Variants in CEP89 observed in about 807,000 individuals in gnomAD.
CEP89 encodes centrosomal protein 89.
CEP89 carries 95 observed loss-of-function variants against 97.6 expected under a neutral mutation model. The observed-to-expected ratio is 0.97, with a 90% CI of 0.82 to 1.15. The LOEUF is 1.15. Among genes scored for constraint, CEP89 ranks in the 50% most tolerant of loss-of-function variants. The pLI, the probability that CEP89 is intolerant of heterozygous loss-of-function variation, is 0.00. For synonymous variants in CEP89, 354 were observed against 349.1 expected, an observed-to-expected ratio of 1.01 and a Z score of -0.16; for missense variants, 869 against 947.7, an observed-to-expected ratio of 0.92 and a Z score of 1.09.
intron 16 of CEP89, among the ~76,000 whole-genome samples, chr19:32,893,968 A>G (rs1181294695): frequency 6.6e-6 from 1 of 152,234 alleles, no homozygotes; most frequent in African/African-American, 2.4e-5. Flanking sequence ...CTAATGATGT[A>G]CCTCAAGGAA....
intron 14 of CEP89, among the ~76,000 whole-genome samples, chr19:32,902,010 C>CTCTCTGTGTGTGTGTGTGTGTG (rs1207481256): frequency 7.5e-6 from 1 of 133,730 alleles, no homozygotes; most frequent in African/African-American, 2.9e-5. Flanking sequence ...CTCTCTCTCT[C>CTCTCTGTGTGTGTGTGTGTGTG]TGTGTGTGTG....
intron 6 of CEP89, among the ~76,000 whole-genome samples, chr19:32,939,001 C>A (rs1970632866): frequency 1.3e-5 from 2 of 151,954 alleles, no homozygotes; most frequent in Admixed American, 6.6e-5. Context: ...ATCCCAATGC[C>A]CTTGGGAGGC....
intron 1 of CEP89, among the ~76,000 whole-genome samples, chr19:32,968,394 A>C (rs894375298): frequency 6.6e-6 from 1 of 152,152 alleles, no homozygotes; most frequent in Non-Finnish European, 1.5e-5. Context: ...GACCACAGTC[A>C]TGTGCCAACA....
At chr19:32,926,648 A>G (rs1251984869) in intron 10 of CEP89, among the ~76,000 whole-genome samples, 2 of 151,862 alleles carry the variant, frequency 1.3e-5, no homozygotes, top group Non-Finnish European at 1.5e-5. Flanking sequence ...TGCAACCTAA[A>G]CCTCCCGGGT....
At chr19:32,882,947 C>T (rs1415758097) in intron 17 of CEP89, among the ~76,000 whole-genome samples, 1 of 152,088 alleles carries the variant, frequency 6.6e-6, no homozygotes, top group Non-Finnish European at 1.5e-5. Context: ...CAAGCTCCGC[C>T]TCCCGGGTTC....
intron 15 of CEP89, among the ~76,000 whole-genome samples, 186 bp downstream of exon 15, chr19:32,901,059 G>C (rs1969757994): frequency 1.3e-5 from 2 of 151,434 alleles, no homozygotes; most frequent in South Asian, 4.2e-4. Context: ...GCTAATTTTT[G>C]TATTTTTAGT....
chr19:32,933,120 G>A (rs73926191), intron 8 of CEP89, among the ~76,000 whole-genome samples: 4,223 of 152,082 alleles, frequency 0.028, 205 homozygotes, highest in African/African-American at 0.096. Context: ...GTAAGTCTAC[G>A]GTAAAGGAGG....
At chr19:32,946,261 G>A (rs544096560) in intron 5 of CEP89, among the ~76,000 whole-genome samples, 1 of 151,990 alleles carries the variant, frequency 6.6e-6, no homozygotes, top group East Asian at 1.9e-4. Flanking sequence ...GCCACCATGC[G>A]CAGCTCCCAA....
At chr19:32,943,832 A>G (rs1224311969) in intron 5 of CEP89, among the ~76,000 whole-genome samples, 2 of 152,032 alleles carry the variant, frequency 1.3e-5, no homozygotes, top group Non-Finnish European at 2.9e-5. Context: ...ACACCATGGA[A>G]GAGATCCAAT....
At chr19:32,906,251 C>A (rs1277325936) in intron 14 of CEP89, among the ~76,000 whole-genome samples, 1 of 152,118 alleles carries the variant, frequency 6.6e-6, no homozygotes, top group Admixed American at 6.6e-5. Flanking sequence ...TTTCTATTCG[C>A]CCCTTGCCCA....
At chr19:32,887,874 T>G in intron 16 of CEP89, 33 bp from the exon 17 acceptor site, 1 of 1,231,914 alleles carries the variant, frequency 8.1e-7, no homozygotes, top group South Asian at 1.3e-5. Flanking sequence ...GGCTCTCAGT[T>G]TTACAGAAAA....
intron 16 of CEP89, 121 bp from the exon 17 acceptor site, chr19:32,887,962 C>T: frequency 1.5e-6 from 1 of 659,398 alleles, no homozygotes; most frequent in Admixed American, 2.5e-5. Context: ...CCTGTCCTGC[C>T]TCAACCCCTT....
chr19:32,964,923 C>T (rs1187161822), intron 2 of CEP89, among the ~76,000 whole-genome samples: 1 of 152,158 alleles, frequency 6.6e-6, no homozygotes, highest in Non-Finnish European at 1.5e-5. Flanking sequence ...GGCAGGGCCT[C>T]ACTCACAACA....
chr19:32,879,941 T>C (rs995626720), intron 18 of CEP89, among the ~76,000 whole-genome samples: 4 of 152,160 alleles, frequency 2.6e-5, no homozygotes, highest in African/African-American at 4.8e-5. Context: ...CCTGAGGAGA[T>C]AAGACTCATT....
chr19:32,879,131 G>C lies in CEP89; in HGVS notation c.*31C>G. The C allele has an allele frequency of 6.4e-7, 1 of 1,558,650 alleles. No homozygotes were observed. Among genetic ancestry groups the C allele is most frequent in the Non-Finnish European group, 8.7e-7 (1 of 1,145,778 alleles). On this transcript the variant is annotated 3_prime_UTR_variant, in exon 19 of 19. Transcript: ENST00000305768. Reference sequence around the variant, plus strand: ...TGTGTGAGGCAGACCTTTCAGGCCAGAGGAGGCTACACCACGGGCTCCCGC... The same window carrying C: ...TGTGTGAGGCAGACCTTTCAGGCCACAGGAGGCTACACCACGGGCTCCCGC...
At chr19:32,953,842 C>T (rs181510985) in intron 3 of CEP89, 41 bp from the exon 4 acceptor site, 16,822 of 1,272,664 alleles carry the variant, frequency 0.013, 152 homozygotes, top group Non-Finnish European at 0.017. Context: ...CAAAAAGTCA[C>T]TTAACACTTG....
In CEP89 at chr19:32,971,942, A is replaced by G. The variant is rs3764636; in HGVS notation, c.-68T>C. Reference sequence around the variant, plus strand: ...GCAGATCTATCCACAGCCAGGGACCACTCCCTAAAGCCCGCCGCAGGCCCA... The same window carrying G: ...GCAGATCTATCCACAGCCAGGGACCGCTCCCTAAAGCCCGCCGCAGGCCCA... On this transcript the variant is annotated 5_prime_UTR_variant, in exon 1 of 19. Coordinates refer to ENST00000305768, the MANE Select transcript of CEP89 (RefSeq NM_032816.5). 2,261 of 1,528,480 alleles carry G rather than the reference A, an allele frequency of 1.5e-3. 63 individuals carry two copies. The East Asian group carries it at 0.051, about 34-fold the overall frequency. 94.7% of individuals were successfully genotyped at this position (1,528,480 alleles called of 1,614,324 possible).
chr19:32,890,386 C>T (rs911518675), intron 16 of CEP89, among the ~76,000 whole-genome samples: 2 of 151,714 alleles, frequency 1.3e-5, no homozygotes, highest in South Asian at 2.1e-4. Context: ...GGTGACACAG[C>T]GAGACTCCAT....
intron 16 of CEP89, among the ~76,000 whole-genome samples, chr19:32,888,557 C>A (rs1368182997): frequency 6.6e-6 from 1 of 151,838 alleles, no homozygotes; most frequent in East Asian, 2.0e-4. Flanking sequence ...GTGGTGTGCA[C>A]CTGTAGTCTC....
Sources: gnomAD v4.1 joint callset for allele counts (sites outside exome capture counted in the v4.1 genomes callset) on GRCh38, gnomAD v4.1.1 for gene constraint, MANE v1.5 for transcripts, NCBI Gene and HGNC (gene_info 2026-07-23, HGNC 2026-07-21) for gene names.